The following IGSF21 variants were observed in gnomAD, a reference collection of about 807,000 sequenced individuals.
The protein encoded by IGSF21 is immunoglobin superfamily member 21.
Under a neutral mutation model 46.8 loss-of-function variants are expected in IGSF21, and 28 were observed. That is an observed-to-expected ratio of 0.60 (90% CI 0.44 to 0.82). IGSF21 has a LOEUF of 0.82. Ranked by LOEUF, IGSF21 falls within the 40% of genes least tolerant of loss-of-function variation. The probability of loss-of-function intolerance (pLI) is 0.00; values close to 1 mark genes in which losing one functional copy is unlikely to be tolerated. For synonymous variants in IGSF21, 284 were observed against 273.6 expected (o/e 1.04, Z -0.38); for missense variants, 624 against 665.5 (o/e 0.94, Z 0.69).
intron 1 of IGSF21, among the ~76,000 whole-genome samples, chr1:18,148,462 C>T (rs1016277767): frequency 6.6e-5 from 10 of 152,150 alleles, no homozygotes; most frequent in African/African-American, 1.4e-4. Context: ...AGCATGAAAA[C>T]GGACTAATAC....
chr1:18,227,733 T>A (rs2084582877), intron 1 of IGSF21, among the ~76,000 whole-genome samples, 165 bp from the exon 2 acceptor site: 1 of 151,928 alleles, frequency 6.6e-6, no homozygotes, highest in Admixed American at 6.6e-5. Context: ...GGGCCTGCAG[T>A]CACCATTCAC....
chr1:18,215,605 G>A (rs55715295), intron 1 of IGSF21, among the ~76,000 whole-genome samples: 73,418 of 152,008 alleles, frequency 0.48, 18,224 homozygotes, highest in Non-Finnish European at 0.54. Context: ...CCAAAGGAAC[G>A]GCAGGTGCAT....
intron 1 of IGSF21, among the ~76,000 whole-genome samples, chr1:18,138,432 C>A (rs1405234664): frequency 6.6e-6 from 1 of 152,116 alleles, no homozygotes; most frequent in East Asian, 1.9e-4. Context: ...ACTGTTATTG[C>A]TTGCTTTTGG....
chr1:18,211,856 A>G (rs372248759), intron 1 of IGSF21, among the ~76,000 whole-genome samples: 30 of 152,280 alleles, frequency 2.0e-4, no homozygotes, highest in African/African-American at 6.7e-4. Flanking sequence ...GATTCTGAGT[A>G]ATGTTGGAGG....
chr1:18,304,603 TC>T (rs2085392884), intron 3 of IGSF21, among the ~76,000 whole-genome samples: 1 of 152,026 alleles, frequency 6.6e-6, no homozygotes, highest in South Asian at 2.1e-4. Context: ...CAATGCAGCT[TC>T]CCCCTGACCT....
chr1:18,343,675 C>G (rs1414496148), intron 4 of IGSF21, among the ~76,000 whole-genome samples: 1 of 152,188 alleles, frequency 6.6e-6, no homozygotes, highest in South Asian at 2.1e-4. Context: ...GTCTGGTTGT[C>G]CCAGCACCAT....
intron 1 of IGSF21, among the ~76,000 whole-genome samples, chr1:18,120,322 C>G (rs12756842): frequency 6.6e-6 from 1 of 152,168 alleles, no homozygotes; most frequent in Non-Finnish European, 1.5e-5. Flanking sequence ...GCAGCCAACT[C>G]TTGGGGGCCT....
At chr1:18,146,337 AG>A (rs542630028) in intron 1 of IGSF21, among the ~76,000 whole-genome samples, 37 of 152,024 alleles carry the variant, frequency 2.4e-4, no homozygotes, top group Admixed American at 1.5e-3. Context: ...TTGTACCAAG[AG>A]GGGGATGGGT....
chr1:18,287,642 T>C (rs951133949), intron 2 of IGSF21, among the ~76,000 whole-genome samples: 1 of 152,210 alleles, frequency 6.6e-6, no homozygotes, highest in African/African-American at 2.4e-5. Context: ...GGCCCTGGCC[T>C]CGTGGTCCCT....
intron 2 of IGSF21, among the ~76,000 whole-genome samples, chr1:18,236,557 A>C (rs1320129088): frequency 6.6e-6 from 1 of 152,186 alleles, no homozygotes; most frequent in Admixed American, 6.5e-5. Context: ...TGAGGCCACA[A>C]ATCTGGAATG....
At position 18,224,015 on chromosome 1, in the gene IGSF21, G is replaced by A. The variant is rs554502555; in HGVS notation, c.71-3883G>A. 3.3e-5 allele frequency among the ~76,000 whole-genome samples: 5 copies of A among 152,268 alleles called. No homozygotes were observed. The South Asian group carries it at 8.3e-4, about 25-fold the overall frequency. On this transcript the variant is annotated intron_variant, in intron 1 of 9. Coordinates refer to ENST00000251296, the MANE Select transcript of IGSF21 (RefSeq NM_032880.5). ...GCCTCGGTTTACAGTGGTGTTTCCC[G>A]ACATTTGTTTTCAAGGACTCCAGCA...
chr1:18,253,491 C>T (rs958026779), intron 2 of IGSF21, among the ~76,000 whole-genome samples: 1 of 152,190 alleles, frequency 6.6e-6, no homozygotes. Context: ...GCCCAGAGAA[C>T]CCCCAGGCTG....
chr1:18,226,044 C>G (rs963502072), intron 1 of IGSF21, among the ~76,000 whole-genome samples: 26 of 152,214 alleles, frequency 1.7e-4, no homozygotes, highest in African/African-American at 5.5e-4. Context: ...AGTGCTTAGC[C>G]CAGTGCCTGG....
At chr1:18,198,342 G>A (rs1462848506) in intron 1 of IGSF21, among the ~76,000 whole-genome samples, 2 of 152,134 alleles carry the variant, frequency 1.3e-5, no homozygotes, top group African/African-American at 4.8e-5. Context: ...CTCTCTTCCT[G>A]AGATGCCATT....
At chr1:18,150,304 T>A (rs1380659081) in intron 1 of IGSF21, among the ~76,000 whole-genome samples, 1 of 152,200 alleles carries the variant, frequency 6.6e-6, no homozygotes, top group African/African-American at 2.4e-5. Context: ...CCACGTGCTC[T>A]AAGGCCTGGG....
At chr1:18,300,898 TC>T (rs573211183) in intron 3 of IGSF21, among the ~76,000 whole-genome samples, 162 of 152,274 alleles carry the variant, frequency 1.1e-3, no homozygotes, top group Admixed American at 2.9e-3. Flanking sequence ...TCAGCCTTCC[TC>T]CCTGGTTCTC....
At chr1:18,225,796 C>G (rs1459916939) in intron 1 of IGSF21, among the ~76,000 whole-genome samples, 1 of 152,180 alleles carries the variant, frequency 6.6e-6, no homozygotes, top group Non-Finnish European at 1.5e-5. Context: ...AAAAAGTATG[C>G]AGGCTGCAGA....
At chr1:18,300,423 G>A (rs1832787) in intron 3 of IGSF21, among the ~76,000 whole-genome samples, 63,487 of 152,032 alleles carry the variant, frequency 0.42, 13,933 homozygotes, top group East Asian at 0.77. Context: ...TCTGCCAACA[G>A]GTGGTTATTC....
intron 2 of IGSF21, among the ~76,000 whole-genome samples, chr1:18,244,490 G>T (rs1004955203): frequency 3.3e-5 from 5 of 152,264 alleles, no homozygotes; most frequent in East Asian, 1.9e-4. Context: ...AGGCAACCCA[G>T]TCACCCAGGA....
Sources: gnomAD v4.1 joint callset for allele counts (sites outside exome capture counted in the v4.1 genomes callset) on GRCh38, gnomAD v4.1.1 for gene constraint, MANE v1.5 for transcripts, NCBI Gene and HGNC (gene_info 2026-07-23, HGNC 2026-07-21) for gene names.